Variants in IQCM observed in about 807,000 individuals in gnomAD.
IQCM encodes IQ motif containing M.
Under a neutral mutation model 57.6 loss-of-function variants are expected in IQCM, and 45 were observed. The observed-to-expected ratio is 0.78, with a 90% confidence interval of 0.62 to 1.00. The LOEUF (loss-of-function observed/expected upper bound fraction) is 1.00, where lower values mean the gene tolerates loss of function less well. Ranked by LOEUF, IQCM falls within the 50% of genes least tolerant of loss-of-function variation. IQCM has a pLI of 0.00. For missense variants in IQCM, 468 were observed against 511.6 expected (o/e 0.91, Z 0.82); for synonymous variants, 148 against 158.9 (o/e 0.93, Z 0.51).
intron 2 of IQCM, among the ~76,000 whole-genome samples, chr4:149,753,284 G>T (rs1768635216): frequency 6.6e-6 from 1 of 151,912 alleles, no homozygotes; most frequent in Admixed American, 6.6e-5. Context: ...TTTAAAATAA[G>T]TAGGTTAAGA....
intron 2 of IQCM, among the ~76,000 whole-genome samples, chr4:149,814,893 T>C (rs1001815696): frequency 2.2e-4 from 34 of 152,108 alleles, no homozygotes; most frequent in African/African-American, 7.9e-4. Context: ...TCCAATTCAG[T>C]CTTTAAAGAG....
intron 6 of IQCM, among the ~76,000 whole-genome samples, chr4:149,686,153 T>C (rs1331375790): frequency 6.6e-6 from 1 of 151,460 alleles, no homozygotes; most frequent in Admixed American, 6.6e-5. Context: ...AAAACCCAGA[T>C]GGTTTACTTA....
At chr4:149,625,111 A>G (rs1293239129) in intron 7 of IQCM, among the ~76,000 whole-genome samples, 1 of 152,252 alleles carries the variant, frequency 6.6e-6, no homozygotes, top group Non-Finnish European at 1.5e-5. Flanking sequence ...GTTGACAAAT[A>G]GCATCTTAAT....
At chr4:149,649,995 C>A (rs1759008835) in intron 7 of IQCM, among the ~76,000 whole-genome samples, 1 of 152,104 alleles carries the variant, frequency 6.6e-6, no homozygotes, top group Admixed American at 6.6e-5. Flanking sequence ...AAAAAATAAA[C>A]TATGAATGAG....
chr4:149,762,122 T>G (rs1036734615), intron 2 of IQCM, among the ~76,000 whole-genome samples: 1 of 151,918 alleles, frequency 6.6e-6, no homozygotes, highest in African/African-American at 2.4e-5. Context: ...ACTTTAAGAA[T>G]GTGTGAGACA....
chr4:149,733,754 T>C (rs1207247245), intron 4 of IQCM, among the ~76,000 whole-genome samples: 3 of 152,154 alleles, frequency 2.0e-5, no homozygotes, highest in Non-Finnish European at 4.4e-5. Context: ...TATTCCCCTT[T>C]GAAAGAAATG....
intron 13 of IQCM, among the ~76,000 whole-genome samples, chr4:149,401,015 A>G (rs1732583031): frequency 6.6e-6 from 1 of 151,774 alleles, no homozygotes; most frequent in African/African-American, 2.4e-5. Flanking sequence ...AGCAATTCCT[A>G]AAAGAGTGTC....
chr4:149,726,139 GAAAA>G (rs1765916686), intron 5 of IQCM, among the ~76,000 whole-genome samples: 2 of 127,068 alleles, frequency 1.6e-5, no homozygotes, highest in Admixed American at 7.7e-5. Flanking sequence ...AAGAAAGAAA[GAAAA>G]GAAAGAAAGA....
chr4:149,385,042 G>T (rs374294860), intron 13 of IQCM, among the ~76,000 whole-genome samples: 1 of 152,012 alleles, frequency 6.6e-6, no homozygotes, highest in Non-Finnish European at 1.5e-5. Flanking sequence ...ATGATGAGGT[G>T]GGGGAGAGTT....
chr4:149,718,677 G>T (rs1194652163), intron 5 of IQCM, among the ~76,000 whole-genome samples: 1 of 152,134 alleles, frequency 6.6e-6, no homozygotes, highest in Non-Finnish European at 1.5e-5. Flanking sequence ...ATCCTGGCAG[G>T]GCTGCTCTCC....
intron 8 of IQCM, among the ~76,000 whole-genome samples, chr4:149,603,161 T>C (rs1754469998): frequency 6.6e-6 from 1 of 152,038 alleles, no homozygotes; most frequent in Admixed American, 6.5e-5. Context: ...TTTGAAAAAA[T>C]AGTGGCCACT....
At position 149,811,159 on chromosome 4, in the gene IQCM, T is replaced by C. The variant is rs560589967; in HGVS notation, c.-49+4152A>G. Among the ~76,000 whole-genome samples, 92 of 152,280 alleles carry C rather than the reference T, an allele frequency of 6.0e-4. 1 individual carries two copies. The highest frequency in any genetic ancestry group is 2.2e-3 in the African/African-American group (90 of 41,554). ...AGAGGCACCTGCTTGAACTGAAATATCTTTCAAGTCTACCAAGGACACAAC... is the reference window on the plus strand; with the variant it reads ...AGAGGCACCTGCTTGAACTGAAATACCTTTCAAGTCTACCAAGGACACAAC... On this transcript the variant is annotated intron_variant, in intron 2 of 13. Transcript: ENST00000636793.
At chr4:149,441,868 G>T (rs764308447) in intron 12 of IQCM, among the ~76,000 whole-genome samples, 1 of 152,076 alleles carries the variant, frequency 6.6e-6, no homozygotes, top group Non-Finnish European at 1.5e-5. Flanking sequence ...AGGTGATTGG[G>T]CCATGAGGGC....
At chr4:149,644,403 A>G (rs1758463623) in intron 7 of IQCM, among the ~76,000 whole-genome samples, 1 of 152,150 alleles carries the variant, frequency 6.6e-6, no homozygotes, top group Admixed American at 6.5e-5. Flanking sequence ...TATAAATCTT[A>G]GCTTTAACTT....
At chr4:149,529,967 G>T (rs1746567572) in intron 12 of IQCM, among the ~76,000 whole-genome samples, 1 of 152,118 alleles carries the variant, frequency 6.6e-6, no homozygotes, top group Admixed American at 6.5e-5. Context: ...TTCACCACCT[G>T]CCTTGATCCA....
Position 149,433,471 on chromosome 4 carries a change from C to T in IQCM, c.1315G>A (p.Val439Met). 8.2e-7 allele frequency: 1 copy of T among 1,219,052 alleles called. No individual in the cohort carries two copies. The highest frequency in any genetic ancestry group is 1.0e-6 in the Non-Finnish European group (1 of 976,440). The allele number at this position is 1,219,052 out of a possible 1,614,324, so 75.5% of individuals were successfully genotyped here. ...FTLYPPEGAH[V>M]PDSTLLKSTW... ...GACTTGAGTAGTGTACTGTCAGGCA[C>T]ATGTGCACCTTCAGGAGGATAGAGT... Residue 439 changes from valine (V) to methionine (M), a missense_variant, in exon 13 of 14, where the codon GTG becomes ATG. Transcript: ENST00000636793.
chr4:149,375,336 T>C (rs1204786632), intron 13 of IQCM, among the ~76,000 whole-genome samples: 2 of 152,080 alleles, frequency 1.3e-5, no homozygotes, highest in Non-Finnish European at 2.9e-5. Context: ...TCTGCTCTTG[T>C]CGTCTTTCCC....
intron 12 of IQCM, among the ~76,000 whole-genome samples, chr4:149,439,293 CTT>C (rs898204246): frequency 2.6e-5 from 4 of 151,994 alleles, no homozygotes; most frequent in African/African-American, 7.2e-5. Flanking sequence ...AACATTTTAA[CTT>C]TATTTTCATT....
At chr4:149,533,026 G>A (rs1279826223) in intron 12 of IQCM, among the ~76,000 whole-genome samples, 1 of 152,084 alleles carries the variant, frequency 6.6e-6, no homozygotes, top group East Asian at 1.9e-4. Context: ...GCTGAGACAT[G>A]AGTCAAACTC....
Sources: allele counts gnomAD v4.1 joint callset (sites outside exome capture counted in the v4.1 genomes callset), GRCh38; gene constraint gnomAD v4.1.1; transcripts MANE v1.5; gene names NCBI Gene and HGNC (gene_info 2026-07-23, HGNC 2026-07-21).